Variants in TRAK1 observed in about 807,000 individuals in gnomAD.
The protein encoded by TRAK1 is trafficking kinesin-binding protein 1.
Under a neutral mutation model 92.1 loss-of-function variants are expected in TRAK1, and 33 were observed. The observed-to-expected ratio is 0.36, with a 90% CI of 0.27 to 0.48. The LOEUF (loss-of-function observed/expected upper bound fraction) is 0.48, where lower values mean the gene tolerates loss of function less well. Ranked by LOEUF, TRAK1 falls within the 20% of genes least tolerant of loss-of-function variation. TRAK1 has a pLI of 0.99. For synonymous variants in TRAK1, 521 were observed against 517.3 expected, an observed-to-expected ratio of 1.01 and a Z score of -0.10; for missense variants, 1,123 against 1,257.9, an observed-to-expected ratio of 0.89 and a Z score of 1.62.
intron 14 of TRAK1, chr3:42,211,940 G>T: frequency 1.0e-6 from 1 of 985,394 alleles, no homozygotes; most frequent in Non-Finnish European, 1.2e-6. Context: ...GGTTGCCAAA[G>T]GTAATTTAGG....
chr3:42,210,189 C>T (rs753178828), intron 14 of TRAK1: 38 of 1,574,832 alleles, frequency 2.4e-5, no homozygotes, highest in Non-Finnish European at 3.3e-5. Context: ...TTGGGCCATT[C>T]TCACCTCTGT....
upstream of TRAK1, among the ~76,000 whole-genome samples, chr3:42,089,814 G>A (rs755727769): frequency 2.0e-5 from 3 of 152,040 alleles, no homozygotes; most frequent in Admixed American, 6.6e-5. Flanking sequence ...CTAAAGTCGC[G>A]GAGGGCAAAC....
chr3:42,150,714 T>G (rs1699858794), intron 2 of TRAK1, among the ~76,000 whole-genome samples: 1 of 152,206 alleles, frequency 6.6e-6, no homozygotes, highest in Admixed American at 6.5e-5. Flanking sequence ...GACTGTGGGT[T>G]AAGGCTTTCT....
chr3:42,091,289 G>A (rs977077231), upstream of TRAK1: 9 of 582,008 alleles, frequency 1.5e-5, no homozygotes, highest in Non-Finnish European at 2.4e-5. Context: ...AGGCTGCCTG[G>A]AGTTACATAA....
intron 1 of TRAK1, among the ~76,000 whole-genome samples, chr3:42,115,099 C>G (rs554187970): frequency 6.6e-6 from 1 of 152,114 alleles, no homozygotes; most frequent in Non-Finnish European, 1.5e-5. Flanking sequence ...AAATTCAAAT[C>G]GACAGTAATA....
chr3:42,030,614 A>G (rs899779801), intron 1 of TRAK1, among the ~76,000 whole-genome samples: 2 of 145,664 alleles, frequency 1.4e-5, no homozygotes, highest in Non-Finnish European at 3.0e-5. Flanking sequence ...TGGAAGTTGC[A>G]TTGAGCCAAG....
At chr3:42,132,480 G>A (rs1697343688) in intron 2 of TRAK1, among the ~76,000 whole-genome samples, 1 of 151,696 alleles carries the variant, frequency 6.6e-6, no homozygotes, top group Non-Finnish European at 1.5e-5. Flanking sequence ...GCCCAGGCTG[G>A]TCTCAAACTC....
intron 6 of TRAK1, among the ~76,000 whole-genome samples, chr3:42,191,309 G>C (rs1274263811): frequency 6.6e-6 from 1 of 152,228 alleles, no homozygotes; most frequent in Non-Finnish European, 1.5e-5. Context: ...GAGCACCTGT[G>C]CCCGTAGCTG....
intron 14 of TRAK1, chr3:42,218,392 T>C (rs1709941900): frequency 1.6e-5 from 15 of 966,494 alleles, no homozygotes; most frequent in Non-Finnish European, 1.8e-5. Context: ...GAAATCTGAA[T>C]CAGTTTTCTC....
chr3:42,094,730 G>A (rs1472057564), intron 1 of TRAK1, among the ~76,000 whole-genome samples: 1 of 152,300 alleles, frequency 6.6e-6, no homozygotes. Context: ...CCTGTTCTAG[G>A]TTTCTCTAGA....
chr3:42,168,109 G>C (rs1484645320), intron 2 of TRAK1, among the ~76,000 whole-genome samples: 1 of 152,200 alleles, frequency 6.6e-6, no homozygotes, highest in African/African-American at 2.4e-5. Flanking sequence ...GCTGTATCAT[G>C]AAATTATTTC....
At chr3:42,173,860 A>G (rs191496410) in intron 2 of TRAK1, among the ~76,000 whole-genome samples, 2 of 152,230 alleles carry the variant, frequency 1.3e-5, no homozygotes, top group Admixed American at 6.5e-5. Flanking sequence ...TGATAGGGGC[A>G]CCATCGGTGT....
chr3:42,086,424 A>G (rs1191977208), upstream of TRAK1, among the ~76,000 whole-genome samples: 3 of 149,956 alleles, frequency 2.0e-5, no homozygotes, highest in Non-Finnish European at 4.4e-5. Flanking sequence ...TCCTGCCTCA[A>G]CCTCCTGAGT....
At chr3:42,015,031 A>G (rs191994222) in intron 1 of TRAK1, among the ~76,000 whole-genome samples, 1 of 152,268 alleles carries the variant, frequency 6.6e-6, no homozygotes, top group African/African-American at 2.4e-5. Flanking sequence ...GCTCAGACTA[A>G]GCTCTGATTA....
chr3:42,193,169 A>G lies in TRAK1; in HGVS notation c.864A>G (p.Leu288=), dbSNP rs771043162. The change falls in exon 8 of 16, where the codon CTA becomes CTG. Residue 288 remains leucine, a synonymous_variant. Coordinates refer to ENST00000327628, the MANE Select transcript of TRAK1 (RefSeq NM_001042646.3). ...ARQQEEITHL[L]SQIVDLQKKA... The stretch of plus-strand genomic sequence containing the variant: ...AGCAAGAGGAGATCACACACCTGCT[A>G]TCGCAAATAGTTGATTTGCAGAAAA... 1.2e-6 allele frequency: 2 copies of G among 1,614,226 alleles called. No homozygotes were observed. The highest frequency in any genetic ancestry group is 1.7e-6 in the Non-Finnish European group (2 of 1,180,022).
In TRAK1 at chr3:42,047,356, C is replaced by T. The variant is rs887763692; in HGVS notation, c.-519+33239C>T. On this transcript the variant is annotated intron_variant, in intron 1 of 16. Coordinates refer to the TRAK1 transcript ENST00000487159. ...GACTACAGGTACACACCACTGTGCC[C>T]GGGTGATTTTTTTTTTTTTTTAACT... Among the ~76,000 whole-genome samples, 15 of 149,512 alleles carry T rather than the reference C, an allele frequency of 1.0e-4. 1 individual carries two copies. Among genetic ancestry groups the T allele is most frequent in the Admixed American group, 2.0e-4 (3 of 15,084 alleles).
Position 42,013,963 on chromosome 3 carries a change from C to T in TRAK1, c.-673C>T, listed in dbSNP as rs1236188216. Reference sequence around the variant, plus strand: ...GGCGGCGGCGCCAGAGCGGAGCCCCCGCGAGTGCCCCCGTGCCGCCCGGCC... The same window carrying T: ...GGCGGCGGCGCCAGAGCGGAGCCCCTGCGAGTGCCCCCGTGCCGCCCGGCC... On this transcript the variant is annotated 5_prime_UTR_variant, in exon 1 of 17. Transcript: ENST00000487159. This position sits in a 1 kb window ranked among gnomAD's most constrained non-coding sequence, Gnocchi z 5.1. 5.3e-5 allele frequency: 8 copies of T among 150,782 alleles called. No homozygotes were observed. Among genetic ancestry groups the T allele is most frequent in the African/African-American group, 1.9e-4 (8 of 41,252 alleles). 9.3% of individuals were successfully genotyped at this position (150,782 alleles called of 1,614,324 possible).
intron 2 of TRAK1, among the ~76,000 whole-genome samples, chr3:42,168,887 G>T (rs552030236): frequency 2.6e-5 from 4 of 152,284 alleles, no homozygotes; most frequent in Non-Finnish European, 4.4e-5. Context: ...GCAGTGGCAG[G>T]ATCTCAGCTC....
chr3:42,063,452 G>A (rs1291372217), intron 1 of TRAK1, among the ~76,000 whole-genome samples: 1 of 152,216 alleles, frequency 6.6e-6, no homozygotes, highest in Non-Finnish European at 1.5e-5. Context: ...TTGGGAGGCT[G>A]AGGCGGGCAA....
Sources: gnomAD v4.1 joint callset for allele counts (sites outside exome capture counted in the v4.1 genomes callset) on GRCh38, gnomAD v4.1.1 for gene constraint, Gnocchi (gnomAD v3.1) non-coding constraint, MANE v1.5 for transcripts, NCBI Gene and HGNC (gene_info 2026-07-23, HGNC 2026-07-21) for gene names.